TBC1D22B: variants seen among roughly 807,000 people sequenced by gnomAD.
TBC1D22B encodes the protein TBC1 domain family member 22B, also known as chromosome 6 open reading frame 197.
Under a neutral mutation model 69.1 loss-of-function variants are expected in TBC1D22B, and 32 were observed. That is an observed-to-expected ratio of 0.46 (90% CI 0.35 to 0.62). The LOEUF (loss-of-function observed/expected upper bound fraction) is 0.62. Ranked by LOEUF, TBC1D22B falls within the 20% of genes least tolerant of loss-of-function variation. The probability of loss-of-function intolerance (pLI) is 0.00; values close to 1 mark genes in which losing one functional copy is unlikely to be tolerated. For missense variants in TBC1D22B, 462 were observed against 630.9 expected, an observed-to-expected ratio of 0.73 and a Z score of 2.87; for synonymous variants, 206 against 229.8, an observed-to-expected ratio of 0.90 and a Z score of 0.94.
intron 2 of TBC1D22B, among the ~76,000 whole-genome samples, chr6:37,270,796 C>A (rs1766462099): frequency 6.6e-6 from 1 of 152,108 alleles, no homozygotes; most frequent in Non-Finnish European, 1.5e-5. Context: ...TTCTCATCTT[C>A]CTGGGGCCTG....
At chr6:37,266,350 T>G (rs1583522198) in intron 1 of TBC1D22B, among the ~76,000 whole-genome samples, 1 of 152,310 alleles carries the variant, frequency 6.6e-6, no homozygotes, top group East Asian at 1.9e-4. Context: ...ATACATAAAA[T>G]GCATGTATCT....
intron 10 of TBC1D22B, among the ~76,000 whole-genome samples, chr6:37,314,864 T>C (rs2113783207): frequency 6.8e-6 from 1 of 146,530 alleles, no homozygotes; most frequent in Admixed American, 6.9e-5. Flanking sequence ...TTCCACTCAC[T>C]CTATTTTATG....
chr6:37,324,798 G>T (rs1446338643), intron 12 of TBC1D22B, among the ~76,000 whole-genome samples: 1 of 152,124 alleles, frequency 6.6e-6, no homozygotes, highest in East Asian at 1.9e-4. Context: ...ATGAGCACAT[G>T]CCCAGATTGG....
intron 10 of TBC1D22B, among the ~76,000 whole-genome samples, chr6:37,314,159 G>A (rs74495178): frequency 0.013 from 1,909 of 152,228 alleles, 21 homozygotes; most frequent in Middle Eastern, 0.058. Context: ...CAGTACGCCC[G>A]TTCCCCACTT....
At chr6:37,286,725 C>T (rs1410080951) in intron 6 of TBC1D22B, among the ~76,000 whole-genome samples, 1 of 152,046 alleles carries the variant, frequency 6.6e-6, no homozygotes, top group Non-Finnish European at 1.5e-5. Context: ...GGGTGGGTCA[C>T]CTGAGGTCAA....
At chr6:37,306,862 T>C (rs1004020276) in intron 8 of TBC1D22B, among the ~76,000 whole-genome samples, 1 of 151,888 alleles carries the variant, frequency 6.6e-6, no homozygotes, top group African/African-American at 2.4e-5. Context: ...AAATAGCACA[T>C]CTCCTCTGAC....
intron 8 of TBC1D22B, among the ~76,000 whole-genome samples, chr6:37,303,111 T>G (rs1383487694): frequency 6.6e-6 from 1 of 152,222 alleles, no homozygotes; most frequent in African/African-American, 2.4e-5. Context: ...GATTCTCTTT[T>G]GTTTGAACTT....
intron 12 of TBC1D22B, among the ~76,000 whole-genome samples, chr6:37,329,930 G>A (rs1200199715): frequency 6.6e-6 from 1 of 152,146 alleles, no homozygotes; most frequent in Non-Finnish European, 1.5e-5. Flanking sequence ...GGGCAGTTTT[G>A]TGCCCAGCTA....
chr6:37,331,243 G>A lies in TBC1D22B; in HGVS notation c.*71G>A, dbSNP rs1055529963. 3.9e-6 allele frequency: 6 copies of A among 1,534,904 alleles called. No homozygotes were observed. In the African/African-American group the frequency reaches 4.1e-5, roughly 10 times the overall value. ...AGTCTGATCACTGTGGCCACTGTGC[G>A]AGCCGTGGACCCCGGCCAGGAACCA... On this transcript the variant is annotated 3_prime_UTR_variant, in exon 13 of 13. Transcript: ENST00000373491.
At chr6:37,275,746 G>A (rs745378164) in intron 2 of TBC1D22B, among the ~76,000 whole-genome samples, 1 of 152,174 alleles carries the variant, frequency 6.6e-6, no homozygotes, top group Non-Finnish European at 1.5e-5. Context: ...GAATATGTAT[G>A]AATATGGCTA....
intron 7 of TBC1D22B, among the ~76,000 whole-genome samples, chr6:37,290,406 T>C (rs1011346207): frequency 5.9e-5 from 9 of 152,130 alleles, no homozygotes; most frequent in South Asian, 2.1e-4. Flanking sequence ...ATGGGTATTA[T>C]CAGGTTGAGA....
chr6:37,283,639 T>C (rs1766914298), intron 5 of TBC1D22B, among the ~76,000 whole-genome samples: 1 of 152,220 alleles, frequency 6.6e-6, no homozygotes, highest in African/African-American at 2.4e-5. Flanking sequence ...AACCATGCAA[T>C]CATTGCCTCT....
chr6:37,296,111 A>G (rs1404461911), intron 8 of TBC1D22B, among the ~76,000 whole-genome samples: 1 of 152,062 alleles, frequency 6.6e-6, no homozygotes, highest in East Asian at 1.9e-4. Flanking sequence ...ATTATTTACT[A>G]ATTAGTGGGG....
At chr6:37,309,587 TG>T (rs750097066) in intron 8 of TBC1D22B, among the ~76,000 whole-genome samples, 2 of 152,284 alleles carry the variant, frequency 1.3e-5, no homozygotes, top group East Asian at 1.9e-4. Flanking sequence ...AGGGAGCTGC[TG>T]CCTAGGATGG....
intron 2 of TBC1D22B, among the ~76,000 whole-genome samples, chr6:37,272,871 A>G (rs1766538102): frequency 6.6e-6 from 1 of 152,134 alleles, no homozygotes; most frequent in South Asian, 2.1e-4. Context: ...ATGCTCAAGA[A>G]CCGTAATTTT....
At chr6:37,265,969 A>G (rs1766258740) in intron 1 of TBC1D22B, among the ~76,000 whole-genome samples, 1 of 152,204 alleles carries the variant, frequency 6.6e-6, no homozygotes, top group African/African-American at 2.4e-5. Context: ...TAAATTATAA[A>G]AATGGGAGGG....
rs528992942 is a variant in TBC1D22B, at chr6:37,260,552, T to C, written c.56+2579T>C. ...CAGTGGTATTTAGTATATTCATTTA[T>C]AGTATAGATGGTTTTGTGCAACCAT... On this transcript the variant is annotated intron_variant, in intron 1 of 12. Transcript: ENST00000373491. Among the ~76,000 whole-genome samples the C allele has an allele frequency of 2.0e-5, 3 of 152,362 alleles. No individual in the cohort carries two copies. In the South Asian group the frequency reaches 6.2e-4, roughly 32 times the overall value.
chr6:37,318,760 T>G (rs1768156257), intron 12 of TBC1D22B, among the ~76,000 whole-genome samples: 2 of 152,160 alleles, frequency 1.3e-5, no homozygotes, highest in South Asian at 4.2e-4. Context: ...TGTTAGGTGG[T>G]GGGTAGGCTA....
rs1379486788 is a variant in TBC1D22B, at chr6:37,316,811, G to A, written c.1274G>A (p.Arg425His). The A allele has an allele frequency of 3.1e-6, 5 of 1,614,086 alleles. No individual in the cohort carries two copies. Among genetic ancestry groups the A allele is most frequent in the African/African-American group, 1.3e-5 (1 of 74,932 alleles). Reference sequence around the variant, plus strand: ...GAGCTTCCTCTTCGCTGCACCATCCGCCTGTGGGACACATATCAGGTAGGA... The same window carrying A: ...GAGCTTCCTCTTCGCTGCACCATCCACCTGTGGGACACATATCAGGTAGGA... Reference protein sequence around the residue: ...MRELPLRCTIRLWDTYQSEPE... With the variant: ...MRELPLRCTIHLWDTYQSEPE... The change falls in exon 11 of 13, where the codon CGC becomes CAC. Residue 425 changes from arginine (R) to histidine (H), a missense_variant. Coordinates refer to ENST00000373491, the MANE Select transcript of TBC1D22B (RefSeq NM_017772.4).
Sources: gnomAD v4.1 joint callset for allele counts (sites outside exome capture counted in the v4.1 genomes callset) on GRCh38, gnomAD v4.1.1 for gene constraint, MANE v1.5 for transcripts, NCBI Gene and HGNC (gene_info 2026-07-23, HGNC 2026-07-21) for gene names.